NAP1L5: variants seen among roughly 807,000 people sequenced by gnomAD.
The protein encoded by NAP1L5 is nucleosome assembly protein 1-like 5.
For missense variants in NAP1L5, 249 were observed against 246.4 expected (o/e 1.01, Z -0.07); for synonymous variants, 125 against 103.6 (o/e 1.21, Z -1.25).
At position 88,697,653 on chromosome 4, in the gene NAP1L5, A is replaced by C. The variant is rs146360395; in HGVS notation, c.102T>G (p.Gly34=). The change falls in exon 1 of 1, where the codon GGT becomes GGG. Residue 34 remains glycine, a synonymous_variant. Coordinates refer to ENST00000323061, the MANE Select transcript of NAP1L5 (RefSeq NM_153757.4). ...EEVMAEGGAQ[G]GDCDSAAGDP... ...CACCAGCCGCGCTGTCACAGTCTCC[A>C]CCCTGCGCACCGCCTTCCGCCATTA... 4 of 1,612,326 alleles carry C rather than the reference A, an allele frequency of 2.5e-6. No homozygotes were observed. Among genetic ancestry groups the C allele is most frequent in the African/African-American group, 1.3e-5 (1 of 74,712 alleles).
chr4:88,697,125 T>C lies in NAP1L5; in HGVS notation c.*81A>G. 1 of 1,376,420 alleles carries C rather than the reference T, an allele frequency of 7.3e-7. No individual in the cohort carries two copies. Among genetic ancestry groups the C allele is most frequent in the Non-Finnish European group, 9.7e-7 (1 of 1,030,268 alleles). The allele number at this position is 1,376,420 out of a possible 1,614,324, so 85.3% of individuals were successfully genotyped here. A position where few individuals can be genotyped will look rare whatever the true frequency, so the allele number is the denominator to read the frequency against. On this transcript the variant is annotated 3_prime_UTR_variant, in exon 1 of 1. Transcript: ENST00000323061. ...TATTTTGGTCAAAAACCTGAGCCTT[T>C]TTAAGTCCATCGATATTCTGGGAAA...
In NAP1L5 at chr4:88,697,746, G is replaced by A. The variant is rs770889837; in HGVS notation, c.9C>T (p.Asp3=). The A allele has an allele frequency of 8.1e-6, 13 of 1,607,742 alleles. No homozygotes were observed. The highest frequency in any genetic ancestry group is 1.7e-6 in the Non-Finnish European group (2 of 1,177,572). MA[D]SENQGPAEPS... is the part of the protein sequence containing the mutation. ...GCTCCGCAGGCCCCTGGTTTTCCGA[G>A]TCGGCCATGTTAGAGGAGAAGCCGC... Residue 3 remains aspartate (D), a synonymous_variant, in exon 1 of 1, where the codon GAC becomes GAT. Coordinates refer to ENST00000323061, the MANE Select transcript of NAP1L5 (RefSeq NM_153757.4).
rs769241236 is a variant in NAP1L5 at position 88,697,353 on chromosome 4, C to G, written c.402G>C (p.Leu134Phe). 6.2e-7 allele frequency: 1 copy of G among 1,614,080 alleles called. No homozygotes were observed. Among genetic ancestry groups the G allele is most frequent in the East Asian group, 2.2e-5 (1 of 44,872 alleles). ...TGEMEGCAWT[L>F]EGEEEEEEEY... ...CCTCTTCCTCCTCCTCCTCCCCCTCCAAGGTCCATGCACACCCCTCCATCT... is the reference window on the plus strand; with the variant it reads ...CCTCTTCCTCCTCCTCCTCCCCCTCGAAGGTCCATGCACACCCCTCCATCT... The change falls in exon 1 of 1, where the codon TTG becomes TTC. Residue 134 changes from leucine to phenylalanine, a missense_variant. Physicochemically the swap from Leu to Phe is conservative, Grantham distance 22. Coordinates refer to ENST00000323061, the MANE Select transcript of NAP1L5 (RefSeq NM_153757.4).
At position 88,697,233 on chromosome 4, in the gene NAP1L5, G is replaced by A; in HGVS notation, c.522C>T (p.Ala174=). The A allele has an allele frequency of 1.3e-6, 2 of 1,525,608 alleles. No homozygotes were observed. The highest frequency in any genetic ancestry group is 1.3e-5 in the South Asian group (1 of 75,488). 94.5% of individuals were successfully genotyped at this position (1,525,608 alleles called of 1,614,324 possible). A position where few individuals can be genotyped will look rare whatever the true frequency, so the allele number is the denominator to read the frequency against. The stretch of plus-strand genomic sequence containing the variant: ...ACTTCTTGGCGTCATCAGGCATCTC[G>A]GCGTGGGCATCGTCATGTTTGGCCC... The part of the protein sequence containing the change: ...AAGAKHDDAH[A]EMPDDAKK The change falls in exon 1 of 1, where the codon GCC becomes GCT. Residue 174 remains alanine, a synonymous_variant. Transcript: ENST00000323061.
Position 88,697,244 on chromosome 4 carries a change from C to A in NAP1L5, c.511G>T (p.Asp171Tyr). The A allele has an allele frequency of 6.5e-7, 1 of 1,539,622 alleles. No homozygotes were observed. Among genetic ancestry groups the A allele is most frequent in the South Asian group, 1.3e-5 (1 of 77,740 alleles). The change falls in exon 1 of 1, where the codon GAT (aspartate) becomes TAT (tyrosine). Residue 171 changes from aspartate to tyrosine, a missense_variant. Transcript: ENST00000323061. ...AEAAAGAKHD[D>Y]AHAEMPDDAK... is the part of the protein sequence containing the mutation. ...TCATCAGGCATCTCGGCGTGGGCAT[C>A]GTCATGTTTGGCCCCCGCGGCAGCC...
In NAP1L5 at chr4:88,696,679, C is replaced by T. The variant is rs1734630279; in HGVS notation, c.*527G>A. 1 of 152,916 alleles carries T rather than the reference C, an allele frequency of 6.5e-6. No homozygotes were observed. Among genetic ancestry groups the T allele is most frequent in the African/African-American group, 2.4e-5 (1 of 41,452 alleles). The allele number at this position is 152,916 out of a possible 1,614,324, so 9.5% of individuals were successfully genotyped here. On this transcript the variant is annotated 3_prime_UTR_variant, in exon 1 of 1. Coordinates refer to ENST00000323061, the MANE Select transcript of NAP1L5 (RefSeq NM_153757.4). ...TCTCCATTGCAATCTTCCTCAATGC[C>T]ATCAATCTCCTGTGAAGTGTAAAGC...
At position 88,697,235 on chromosome 4, in the gene NAP1L5, C is replaced by T. The variant is rs752077810; in HGVS notation, c.520G>A (p.Ala174Thr). 9 of 1,528,950 alleles carry T rather than the reference C, an allele frequency of 5.9e-6. No homozygotes were observed. Among genetic ancestry groups the T allele is most frequent in the Non-Finnish European group, 4.4e-6 (5 of 1,141,754 alleles). The allele number at this position is 1,528,950 out of a possible 1,614,324, so 94.7% of individuals were successfully genotyped here. Residue 174 changes from alanine (A) to threonine (T), a missense_variant, in exon 1 of 1, where the codon GCC (alanine) becomes ACC (threonine). Transcript: ENST00000323061. ...TTCTTGGCGTCATCAGGCATCTCGGCGTGGGCATCGTCATGTTTGGCCCCC... is the reference window on the plus strand; with the variant it reads ...TTCTTGGCGTCATCAGGCATCTCGGTGTGGGCATCGTCATGTTTGGCCCCC... Reference protein sequence around the residue: ...AAGAKHDDAHAEMPDDAKK With the variant: ...AAGAKHDDAHTEMPDDAKK
Position 88,696,249 on chromosome 4 carries a change from A to C in NAP1L5, c.*957T>G, listed in dbSNP as rs1734585098. On this transcript the variant is annotated 3_prime_UTR_variant, in exon 1 of 1. Transcript: ENST00000323061. ...TTCTTCAAGTATATATTTTTTCCAA[A>C]CATTAGCTTCAGTGAAGAGTTCTGA... is the stretch of plus-strand genomic sequence containing the variant. The C allele has an allele frequency of 6.6e-6, 1 of 152,606 alleles. No homozygotes were observed. The highest frequency in any genetic ancestry group is 1.9e-4 in the East Asian group (1 of 5,206). The allele number at this position is 152,606 out of a possible 1,614,324, so 9.5% of individuals were successfully genotyped here.
At position 88,697,449 on chromosome 4, in the gene NAP1L5, A is replaced by G. The variant is rs758565125; in HGVS notation, c.306T>C (p.Phe102=). 6.2e-7 allele frequency: 1 copy of G among 1,614,072 alleles called. No homozygotes were observed. Among genetic ancestry groups the G allele is most frequent in the Non-Finnish European group, 8.5e-7 (1 of 1,180,020 alleles). Reference sequence around the variant, plus strand: ...CATTATACTTTTTTTCCAGAGCCTGAAATTCCTTATCAAATTTGGCTTCTA... The same window carrying G: ...CATTATACTTTTTTTCCAGAGCCTGGAATTCCTTATCAAATTTGGCTTCTA... The part of the protein sequence containing the change: ...DKIEAKFDKE[F]QALEKKYNDI... Residue 102 remains phenylalanine, a synonymous_variant, in exon 1 of 1, where the codon TTT becomes TTC. Coordinates refer to ENST00000323061, the MANE Select transcript of NAP1L5 (RefSeq NM_153757.4).
rs1216503920 is a variant in NAP1L5 at position 88,697,730 on chromosome 4, G to T, written c.25C>A (p.Pro9Thr). 3 of 1,610,406 alleles carry T rather than the reference G, an allele frequency of 1.9e-6. No individual in the cohort carries two copies. The highest frequency in any genetic ancestry group is 1.8e-4 in the Middle Eastern group (1 of 5,696). MADSENQGPAEPSQAAAAA... is the reference protein window; with the variant it reads MADSENQGTAEPSQAAAAA... The stretch of plus-strand genomic sequence containing the variant: ...GCCGCCGCCTGGCTAGGCTCCGCAG[G>T]CCCCTGGTTTTCCGAGTCGGCCATG... The change falls in exon 1 of 1, where the codon CCT (proline) becomes ACT (threonine). Residue 9 changes from proline (P) to threonine (T), a missense_variant. By Grantham distance (38) the Pro-to-Thr change is conservative (BLOSUM62 -1). Transcript: ENST00000323061.
chr4:88,697,109 C>A lies in NAP1L5; in HGVS notation c.*97G>T, dbSNP rs1734675431. The stretch of plus-strand genomic sequence containing the variant: ...GAATAAATTCACATTGTATTTTGGT[C>A]AAAAACCTGAGCCTTTTTAAGTCCA... On this transcript the variant is annotated 3_prime_UTR_variant, in exon 1 of 1. Coordinates refer to ENST00000323061, the MANE Select transcript of NAP1L5 (RefSeq NM_153757.4). 2 of 1,259,638 alleles carry A rather than the reference C, an allele frequency of 1.6e-6. No individual in the cohort carries two copies. Among genetic ancestry groups the A allele is most frequent in the South Asian group, 3.7e-5 (2 of 53,932 alleles). 78.0% of individuals were successfully genotyped at this position (1,259,638 alleles called of 1,614,324 possible). A position where few individuals can be genotyped will look rare whatever the true frequency, so the allele number is the denominator to read the frequency against.
rs1160255166 is a variant in NAP1L5 at position 88,697,314 on chromosome 4, G to A, written c.441C>T (p.Asp147=). 6.2e-7 allele frequency: 1 copy of A among 1,610,266 alleles called. No homozygotes were observed. The highest frequency in any genetic ancestry group is 2.2e-5 in the East Asian group (1 of 44,726). The stretch of plus-strand genomic sequence containing the variant: ...CCTCCTCGTCTTCCCCCTCCTCCTC[G>A]TCATCCTCGTACTCCTCTTCCTCCT... The part of the protein sequence containing the change: ...EEEEEEEYED[D]EEEGEDEEEE... Residue 147 remains aspartate (D), a synonymous_variant, in exon 1 of 1, where the codon GAC becomes GAT. Coordinates refer to ENST00000323061, the MANE Select transcript of NAP1L5 (RefSeq NM_153757.4).
rs1734703734 is a variant in NAP1L5, at chr4:88,697,280, C to T, written c.475G>A (p.Ala159Thr). 2.6e-6 allele frequency: 4 copies of T among 1,534,356 alleles called. No individual in the cohort carries two copies. The highest frequency in any genetic ancestry group is 1.7e-4 in the Middle Eastern group (1 of 5,758). ...EEGEDEEEEE[A>T]AAEAAAGAKH... ...GCCCCCGCGGCAGCCTCTGCCGCAG[C>T]CTCCTCCTCCTCCTCGTCTTCCCCC... The change falls in exon 1 of 1, where the codon GCT (alanine) becomes ACT (threonine). Residue 159 changes from alanine to threonine, a missense_variant. By Grantham distance (58) the Ala-to-Thr change is moderately conservative. Transcript: ENST00000323061.
At position 88,697,708 on chromosome 4, in the gene NAP1L5, G is replaced by A. The variant is rs372916585; in HGVS notation, c.47C>T (p.Ala16Val). The A allele has an allele frequency of 7.4e-6, 12 of 1,611,676 alleles. No homozygotes were observed. Among genetic ancestry groups the A allele is most frequent in the African/African-American group, 2.7e-5 (2 of 74,886 alleles). Residue 16 changes from alanine (A) to valine (V), a missense_variant, in exon 1 of 1, where the codon GCG becomes GTG. Coordinates refer to ENST00000323061, the MANE Select transcript of NAP1L5 (RefSeq NM_153757.4). ...NQGPAEPSQA[A>V]AAAEAAAEEV... ...CTCTGCCGCTGCCTCCGCCGCTGCC[G>A]CCGCCTGGCTAGGCTCCGCAGGCCC...
At position 88,697,824 on chromosome 4, in the gene NAP1L5, G is replaced by C. The variant is rs993025334; in HGVS notation, c.-70C>G. 4.0e-6 allele frequency: 6 copies of C among 1,501,368 alleles called. No homozygotes were observed. The African/African-American group carries it at 8.4e-5, about 21-fold the overall frequency. 93.0% of individuals were successfully genotyped at this position (1,501,368 alleles called of 1,614,324 possible). Reference sequence around the variant, plus strand: ...CCCTGCACCCGAGCTGGTCCAGAGAGATCTTGCGGATGCGGCAAGTGGCGG... The same window carrying C: ...CCCTGCACCCGAGCTGGTCCAGAGACATCTTGCGGATGCGGCAAGTGGCGG... On this transcript the variant is annotated 5_prime_UTR_variant, in exon 1 of 1. The change creates a new upstream start codon in the 5' untranslated region. Coordinates refer to ENST00000323061, the MANE Select transcript of NAP1L5 (RefSeq NM_153757.4).
rs77983811 is a variant in NAP1L5 at position 88,696,350 on chromosome 4, C to T, written c.*856G>A. The T allele has an allele frequency of 0.011, 1,621 of 152,748 alleles. 12 individuals are homozygous for T. Among genetic ancestry groups the T allele is most frequent in the Middle Eastern group, 0.014 (4 of 294 alleles). The allele number at this position is 152,748 out of a possible 1,614,324, so 9.5% of individuals were successfully genotyped here. A position where few individuals can be genotyped will look rare whatever the true frequency, so the allele number is the denominator to read the frequency against. On this transcript the variant is annotated 3_prime_UTR_variant, in exon 1 of 1. Transcript: ENST00000323061. ...GGCGCAAAGTACATAACGCTGGATA[C>T]ACATGCTTTACATAATTTGCTACAT...
Position 88,696,853 on chromosome 4 carries a change from C to T in NAP1L5, c.*353G>A, listed in dbSNP as rs1734650088. ...CATGGCTTGGGTGTTCCATGTGTAG[C>T]GTATGCTGTGTGATGAATGGGTTTC... On this transcript the variant is annotated 3_prime_UTR_variant, in exon 1 of 1. Coordinates refer to ENST00000323061, the MANE Select transcript of NAP1L5 (RefSeq NM_153757.4). 9.2e-6 allele frequency: 2 copies of T among 216,738 alleles called. No homozygotes were observed. Among genetic ancestry groups the T allele is most frequent in the African/African-American group, 2.3e-5 (1 of 43,882 alleles). The allele number at this position is 216,738 out of a possible 1,614,324, so 13.4% of individuals were successfully genotyped here. A position where few individuals can be genotyped will look rare whatever the true frequency, so the allele number is the denominator to read the frequency against.
rs1734723736 is a variant in NAP1L5, at chr4:88,697,350, C to G, written c.405G>C (p.Glu135Asp). ...GEMEGCAWTL[E>D]GEEEEEEEYE... The stretch of plus-strand genomic sequence containing the variant: ...ACTCCTCTTCCTCCTCCTCCTCCCC[C>G]TCCAAGGTCCATGCACACCCCTCCA... Residue 135 changes from glutamate to aspartate, a missense_variant, in exon 1 of 1, where the codon GAG (glutamate) becomes GAC (aspartate). Glu to Asp is a conservative substitution (Grantham distance 45). Transcript: ENST00000323061. 3.1e-6 allele frequency: 5 copies of G among 1,613,954 alleles called. No homozygotes were observed. The South Asian group carries it at 5.5e-5, about 18-fold the overall frequency.
rs1734622745 is a variant in NAP1L5, at chr4:88,696,586, A to C, written c.*620T>G. 4 of 152,754 alleles carry C rather than the reference A, an allele frequency of 2.6e-5. No homozygotes were observed. In the South Asian group the frequency reaches 8.3e-4, roughly 32 times the overall value. 9.5% of individuals were successfully genotyped at this position (152,754 alleles called of 1,614,324 possible). On this transcript the variant is annotated 3_prime_UTR_variant, in exon 1 of 1. Transcript: ENST00000323061. ...GAACCATGTTGTTTCTCTAAATTCAAATACTCAAAACATTTTTCAGAACTT... is the reference window on the plus strand; with the variant it reads ...GAACCATGTTGTTTCTCTAAATTCACATACTCAAAACATTTTTCAGAACTT...
Sources: allele counts gnomAD v4.1 joint callset, GRCh38; gene constraint gnomAD v4.1.1; transcripts MANE v1.5; gene names NCBI Gene and HGNC (gene_info 2026-07-23, HGNC 2026-07-21).